Variants in XKR4 observed in about 807,000 individuals in gnomAD.
XKR4 encodes XK-related protein 4.
A neutral mutation model predicts 53.9 loss-of-function variants in XKR4; 12 were observed. The ratio of observed to expected loss-of-function variants is 0.22; its 90% CI spans 0.14 to 0.36. The LOEUF (loss-of-function observed/expected upper bound fraction) is 0.36. Among genes scored for constraint, XKR4 ranks in the 10% least tolerant of loss-of-function variants. The probability of loss-of-function intolerance (pLI) is 1.00; values close to 1 mark genes in which losing one functional copy is unlikely to be tolerated. For missense variants in XKR4, 799 were observed against 859.5 expected (o/e 0.93, Z 0.88); for synonymous variants, 354 against 362.4 (o/e 0.98, Z 0.26).
chr8:55,144,212 A>T (rs1356833124), intron 1 of XKR4, among the ~76,000 whole-genome samples: 1 of 152,084 alleles, frequency 6.6e-6, no homozygotes, highest in African/African-American at 2.4e-5. Context: ...TCCCTAGGGG[A>T]CCTGGTAATG....
intron 2 of XKR4, among the ~76,000 whole-genome samples, chr8:55,467,711 G>T (rs2129399443): frequency 6.6e-6 from 1 of 152,310 alleles, no homozygotes; most frequent in East Asian, 1.9e-4. Flanking sequence ...ACTGGGCAAA[G>T]ATTGTGACAG....
At chr8:55,382,219 A>G (rs1804244949) in intron 2 of XKR4, among the ~76,000 whole-genome samples, 1 of 152,244 alleles carries the variant, frequency 6.6e-6, no homozygotes, top group East Asian at 1.9e-4. Flanking sequence ...TATGACTTGT[A>G]TTCAAGTCTA....
At chr8:55,250,621 C>G (rs1722994694) in intron 1 of XKR4, among the ~76,000 whole-genome samples, 1 of 152,168 alleles carries the variant, frequency 6.6e-6, no homozygotes, top group Non-Finnish European at 1.5e-5. Flanking sequence ...GCTGTGAACT[C>G]TCCTGAATTA....
chr8:55,346,722 T>TGTGTGTGTGTGC (rs1176163520), intron 1 of XKR4, among the ~76,000 whole-genome samples: 4 of 148,532 alleles, frequency 2.7e-5, no homozygotes, highest in Non-Finnish European at 4.5e-5. Flanking sequence ...TGTGTGTGTG[T>TGTGTGTGTGTGC]GTGTTTAGAA....
At chr8:55,461,198 G>C (rs1288196928) in intron 2 of XKR4, among the ~76,000 whole-genome samples, 1 of 152,214 alleles carries the variant, frequency 6.6e-6, no homozygotes, top group African/African-American at 2.4e-5. Context: ...CCTGAACCCG[G>C]AGTAGCCTAA....
chr8:55,282,510 C>T (rs569148787), intron 1 of XKR4, among the ~76,000 whole-genome samples: 46 of 152,084 alleles, frequency 3.0e-4, no homozygotes, highest in Non-Finnish European at 5.4e-4. Context: ...TCACATGGTG[C>T]TAGATGGAGC....
chr8:55,454,018 G>T (rs985799224), intron 2 of XKR4: 10 of 887,498 alleles, frequency 1.1e-5, no homozygotes, highest in Non-Finnish European at 1.6e-5. Flanking sequence ...GAATGCACAC[G>T]ACGTGCAGGC....
chr8:55,289,819 AAAGG>A (rs148004764), intron 1 of XKR4, among the ~76,000 whole-genome samples: 5,234 of 142,982 alleles, frequency 0.037, 133 homozygotes, highest in Middle Eastern at 0.063. Flanking sequence ...GGAAAGAAAG[AAAGG>A]AAGGAAGGAA....
chr8:55,464,004 A>T (rs947941979), intron 2 of XKR4, among the ~76,000 whole-genome samples: 8 of 152,200 alleles, frequency 5.3e-5, no homozygotes, highest in African/African-American at 1.9e-4. Flanking sequence ...AACCAAAAAA[A>T]GTCCAGGACC....
intron 2 of XKR4, among the ~76,000 whole-genome samples, chr8:55,497,833 C>T (rs1302346912): frequency 2.6e-5 from 4 of 152,218 alleles, no homozygotes; most frequent in African/African-American, 9.6e-5. Flanking sequence ...TGTCACCTCT[C>T]TTCTCAAGAG....
intron 1 of XKR4, among the ~76,000 whole-genome samples, chr8:55,322,818 A>G (rs1803234491): frequency 6.6e-6 from 1 of 152,114 alleles, no homozygotes; most frequent in African/African-American, 2.4e-5. Context: ...TTTTTGTTGT[A>G]ATATAGGAAC....
At chr8:55,291,324 G>A (rs564007117) in intron 1 of XKR4, among the ~76,000 whole-genome samples, 7 of 152,094 alleles carry the variant, frequency 4.6e-5, no homozygotes, top group South Asian at 2.1e-4. Context: ...ATTCTTCATC[G>A]AAACTGTTTT....
chr8:55,528,558 T>C lies in XKR4; in HGVS notation c.*4331T>C, dbSNP rs72649579. On this transcript the variant is annotated 3_prime_UTR_variant, in exon 3 of 3. Coordinates refer to ENST00000327381, the MANE Select transcript of XKR4 (RefSeq NM_052898.2). ...GCCATTAGCCATTGCTGTTTCTATA[T>C]AAAGCTTGGATGAGATGCCTGCATT... 2.0e-5 allele frequency: 3 copies of C among 152,360 alleles called. No individual in the cohort carries two copies. The highest frequency in any genetic ancestry group is 2.1e-4 in the South Asian group (1 of 4,826). The allele number at this position is 152,360 out of a possible 1,614,324, so 9.4% of individuals were successfully genotyped here. A position where few individuals can be genotyped will look rare whatever the true frequency, so the allele number is the denominator to read the frequency against.
At chr8:55,481,093 C>T (rs573692953) in intron 2 of XKR4, among the ~76,000 whole-genome samples, 234 of 152,292 alleles carry the variant, frequency 1.5e-3, no homozygotes, top group Middle Eastern at 0.01. Flanking sequence ...ATTGCCAAGT[C>T]AATCCTAAGC....
chr8:55,493,770 TTACCCAATAGTGC>T (rs1806303816), intron 2 of XKR4, among the ~76,000 whole-genome samples: 1 of 152,236 alleles, frequency 6.6e-6, no homozygotes, highest in Non-Finnish European at 1.5e-5. Flanking sequence ...ACTGTGCCCT[TTACCCAATAGTGC>T]TACCCATCCA....
intron 2 of XKR4, among the ~76,000 whole-genome samples, chr8:55,494,132 G>A (rs1245457521): frequency 1.3e-5 from 2 of 152,236 alleles, no homozygotes; most frequent in African/African-American, 4.8e-5. Context: ...GGAGTGTGGG[G>A]TCCAGGCATG....
chr8:55,389,331 A>C (rs2129388433), intron 2 of XKR4, among the ~76,000 whole-genome samples: 1 of 152,342 alleles, frequency 6.6e-6, no homozygotes, highest in East Asian at 1.9e-4. Context: ...TCAGCCTGAT[A>C]GGAAATGATT....
At chr8:55,278,928 T>C (rs1818800754) in intron 1 of XKR4, among the ~76,000 whole-genome samples, 1 of 152,096 alleles carries the variant, frequency 6.6e-6, no homozygotes, top group Admixed American at 6.6e-5. Context: ...GAACCACAGA[T>C]TGCAACATGA....
rs1017919344 is a variant in XKR4 at position 55,149,191 on chromosome 8, T to C, written c.806+45897T>C. 1.2e-4 allele frequency among the ~76,000 whole-genome samples: 19 copies of C among 152,246 alleles called. 1 individual carries two copies. The highest frequency in any genetic ancestry group is 1.2e-3 in the Admixed American group (18 of 15,288). On this transcript the variant is annotated intron_variant, in intron 1 of 2. Coordinates refer to ENST00000327381, the MANE Select transcript of XKR4 (RefSeq NM_052898.2). ...TGTGTCTCTGCCATTCGAGAGTCTA[T>C]GGCTTCTTTATAACTTGCTAGACCC...
Sources: allele counts gnomAD v4.1 joint callset (sites outside exome capture counted in the v4.1 genomes callset), GRCh38; gene constraint gnomAD v4.1.1; transcripts MANE v1.5; gene names NCBI Gene and HGNC (gene_info 2026-07-23, HGNC 2026-07-21).